PACRG: variants seen among roughly 807,000 people sequenced by gnomAD.
PACRG encodes parkin coregulated gene protein.
In PACRG, 29 loss-of-function variants were observed where a neutral mutation model predicts 29.7. The observed-to-expected ratio is 0.98, with a 90% CI of 0.73 to 1.33. The LOEUF (loss-of-function observed/expected upper bound fraction) is 1.33. Ranked by LOEUF, PACRG falls within the 40% of genes most tolerant of loss-of-function variation. The probability of loss-of-function intolerance (pLI) is 0.00; values close to 1 mark genes in which losing one functional copy is unlikely to be tolerated. For synonymous variants in PACRG, 116 were observed against 118.7 expected (o/e 0.98, Z 0.15); for missense variants, 279 against 316.2 (o/e 0.88, Z 0.89).
At chr6:162,913,361 A>T (rs896503061) in intron 2 of PACRG, among the ~76,000 whole-genome samples, 2 of 152,108 alleles carry the variant, frequency 1.3e-5, no homozygotes, top group African/African-American at 4.8e-5. Context: ...TATGCCTTTG[A>T]TGTTCATTCT....
chr6:163,124,288 A>G lies in PACRG; in HGVS notation c.613+34880A>G, dbSNP rs540331592. On this transcript the variant is annotated intron_variant, in intron 4 of 4. Transcript: ENST00000366888. The stretch of plus-strand genomic sequence containing the variant: ...TGTTTCCTTTGCTGTGCAGAAATTG[A>G]TGCTGGGGGAAAAAGGGGATTTGAA... Among the ~76,000 whole-genome samples, 4 of 152,248 alleles carry G rather than the reference A, an allele frequency of 2.6e-5. No homozygotes were observed. In the South Asian group the frequency reaches 8.3e-4, roughly 32 times the overall value.
chr6:162,977,560 C>G (rs1177771821), intron 2 of PACRG, among the ~76,000 whole-genome samples: 2 of 152,024 alleles, frequency 1.3e-5, no homozygotes, highest in Non-Finnish European at 2.9e-5. Context: ...CCACCCTTCT[C>G]CGACTGACCA....
At chr6:162,820,356 C>T (rs1431201049) in intron 2 of PACRG, among the ~76,000 whole-genome samples, 3 of 152,120 alleles carry the variant, frequency 2.0e-5, no homozygotes, top group African/African-American at 4.8e-5. Flanking sequence ...CTATAAAAAT[C>T]TCTGTCAATG....
At chr6:163,244,798 T>A (rs189565086) in intron 4 of PACRG, 1 of 236,238 alleles carries the variant, frequency 4.2e-6, no homozygotes, top group African/African-American at 2.3e-5. Flanking sequence ...AAGTGTTTTT[T>A]AAACAATAAT....
chr6:163,280,771 T>G (rs4709689), intron 4 of PACRG, among the ~76,000 whole-genome samples: 28,544 of 152,008 alleles, frequency 0.19, 2,908 homozygotes, highest in African/African-American at 0.23. Context: ...TGGCACCTCC[T>G]TATAAGAACA....
At chr6:162,982,048 C>T (rs1002003823) in intron 2 of PACRG, among the ~76,000 whole-genome samples, 1 of 151,292 alleles carries the variant, frequency 6.6e-6, no homozygotes, top group South Asian at 2.1e-4. Context: ...AGGAATTTAT[C>T]TATCTCCTCC....
chr6:163,293,232 A>C (rs570116531), intron 4 of PACRG, among the ~76,000 whole-genome samples: 2 of 152,330 alleles, frequency 1.3e-5, no homozygotes, highest in Non-Finnish European at 2.9e-5. Context: ...TAATGATCGA[A>C]TAGCAGTGCC....
chr6:162,855,201 G>A (rs1446082790), intron 2 of PACRG, among the ~76,000 whole-genome samples: 2 of 152,210 alleles, frequency 1.3e-5, no homozygotes, highest in Admixed American at 6.5e-5. Context: ...ACCTGGTAGA[G>A]CTGTTGTAAG....
chr6:163,172,484 G>GCA lies in PACRG; in HGVS notation c.613+83086_613+83087dup, dbSNP rs1379099610. On this transcript the variant is annotated intron_variant, in intron 4 of 4. Coordinates refer to ENST00000366888, the MANE Select transcript of PACRG (RefSeq NM_001080379.2). ...GAATAATTTGTTTTAGTGTACACAT[G>GCA]CACACACACACGCATGCATGCACGC... Among the ~76,000 whole-genome samples, 7 of 152,156 alleles carry GCA rather than the reference G, an allele frequency of 4.6e-5. No homozygotes were observed. In the East Asian group the frequency reaches 5.8e-4, roughly 13 times the overall value.
At chr6:163,141,020 A>G (rs2128334381) in intron 4 of PACRG, among the ~76,000 whole-genome samples, 1 of 152,298 alleles carries the variant, frequency 6.6e-6, no homozygotes, top group African/African-American at 2.4e-5. Context: ...TTGTATCCTA[A>G]GCACAGTGTG....
chr6:163,309,863 A>T (rs1785342372), intron 4 of PACRG: 2 of 152,202 alleles, frequency 1.3e-5, no homozygotes. Context: ...AATTAGCAGA[A>T]GGGCTTCCTT....
At chr6:163,200,968 G>A (rs78883254) in intron 4 of PACRG, among the ~76,000 whole-genome samples, 1 of 152,138 alleles carries the variant, frequency 6.6e-6, no homozygotes, top group South Asian at 2.1e-4. Flanking sequence ...GGCACTGGGT[G>A]GGATCCGCAG....
At chr6:162,922,995 A>G (rs76446153) in intron 2 of PACRG, among the ~76,000 whole-genome samples, 3,218 of 152,294 alleles carry the variant, frequency 0.021, 47 homozygotes, top group East Asian at 0.054. Context: ...TGGTTTTCAT[A>G]ATGGCTGTAC....
At chr6:162,778,124 G>A (rs1450853787) in intron 1 of PACRG, among the ~76,000 whole-genome samples, 2 of 152,140 alleles carry the variant, frequency 1.3e-5, no homozygotes, top group African/African-American at 2.4e-5. Flanking sequence ...CGGTGTTTTG[G>A]GGGGAGGAAA....
chr6:163,241,406 C>A (rs981494451), intron 4 of PACRG, among the ~76,000 whole-genome samples: 10 of 152,188 alleles, frequency 6.6e-5, no homozygotes, highest in Admixed American at 5.9e-4. Context: ...ATGTTCATTT[C>A]GCTTTTAACA....
At chr6:163,079,890 CTTTTTTTTTTTTTT>C (rs67162530) in intron 3 of PACRG, among the ~76,000 whole-genome samples, 2 of 78,678 alleles carry the variant, frequency 2.5e-5, no homozygotes, top group South Asian at 6.0e-4. Flanking sequence ...AGCAGTCATT[CTTTTTTTTTTTTTT>C]TTTTTTTTTT....
intron 2 of PACRG, among the ~76,000 whole-genome samples, chr6:162,824,288 C>G (rs1177361886): frequency 6.6e-6 from 1 of 152,058 alleles, no homozygotes; most frequent in Non-Finnish European, 1.5e-5. Context: ...CACCATCACC[C>G]TTTTATTCTA....
At chr6:163,066,562 T>G (rs971092914) in intron 3 of PACRG, among the ~76,000 whole-genome samples, 3 of 152,120 alleles carry the variant, frequency 2.0e-5, no homozygotes, top group Non-Finnish European at 1.5e-5. Context: ...CTCTTAAAAA[T>G]CCCAGGAAAA....
In PACRG at chr6:162,734,955, T is replaced by C. The variant is rs74469960; in HGVS notation, c.156+6564T>C. On this transcript the variant is annotated intron_variant, in intron 1 of 4. Transcript: ENST00000366888. ...CTTTGGCCAACAGACTAGTTTCACC[T>C]GTTTTTGTACTTCTATACATGGAAT... 3.2e-3 allele frequency among the ~76,000 whole-genome samples: 491 copies of C among 152,344 alleles called. 3 individuals are homozygous for C. Among genetic ancestry groups the C allele is most frequent in the African/African-American group, 0.011 (470 of 41,590 alleles).
Sources: gnomAD v4.1 joint callset for allele counts (sites outside exome capture counted in the v4.1 genomes callset) on GRCh38, gnomAD v4.1.1 for gene constraint, MANE v1.5 for transcripts, NCBI Gene and HGNC (gene_info 2026-07-23, HGNC 2026-07-21) for gene names.